POU2F2: variants seen among roughly 807,000 people sequenced by gnomAD.
The protein encoded by POU2F2 is POU class 2 homeobox 2, also known as POU domain, class 2, transcription factor 2.
A neutral mutation model predicts 63.5 loss-of-function variants in POU2F2; 14 were observed. The ratio of observed to expected loss-of-function variants is 0.22; its 90% CI spans 0.15 to 0.34. The LOEUF is 0.34. Among genes scored for constraint, POU2F2 ranks in the 10% least tolerant of loss-of-function variants. The pLI, the probability that POU2F2 is intolerant of heterozygous loss-of-function variation, is 1.00. For missense variants in POU2F2, 607 were observed against 815.2 expected (o/e 0.74, Z 3.11); for synonymous variants, 306 against 348.6 (o/e 0.88, Z 1.36).
Position 42,096,480 on chromosome 19 carries a change from A to ACT in POU2F2, c.568-239_568-238dup, listed in dbSNP as rs1392281008. Among the ~76,000 whole-genome samples, 1 of 151,956 alleles carries ACT rather than the reference A, an allele frequency of 6.6e-6. No individual in the cohort carries two copies. Among genetic ancestry groups the ACT allele is most frequent in the Admixed American group, 6.6e-5 (1 of 15,264 alleles). ...TACATGGGTTTCCTCATTGCCTGGGACTCTCTGCACTGTCCCTTCACGCCT... is the reference window on the plus strand; with the variant it reads ...TACATGGGTTTCCTCATTGCCTGGGACTCTCTCTGCACTGTCCCTTCACGCCT... On this transcript the variant is annotated intron_variant, in intron 7 of 14. Coordinates refer to ENST00000692977, the MANE Select transcript of POU2F2 (RefSeq NM_001394376.1). This position sits in a 1 kb window ranked among gnomAD's most constrained non-coding sequence, Gnocchi z 4.1.
chr19:42,116,918 C>T (rs1157606216), intron 5 of POU2F2: 2 of 536,690 alleles, frequency 3.7e-6, no homozygotes, highest in Non-Finnish European at 7.1e-6. Flanking sequence ...GCAGCGGCGG[C>T]ACTGGACTGC....
intron 2 of POU2F2, among the ~76,000 whole-genome samples, chr19:42,142,176 A>G (rs1005921625): frequency 4.6e-5 from 7 of 152,188 alleles, no homozygotes; most frequent in African/African-American, 1.4e-4. Flanking sequence ...CCTCTTTTGT[A>G]GTAACTTCAG....
rs1475100940 is a variant in POU2F2 at position 42,132,394 on chromosome 19, C to G, written c.18G>C (p.Met6Ile). MVHSSMGAPEIRMSKP... is the reference protein window; with the variant it reads MVHSSIGAPEIRMSKP... Reference sequence around the variant, plus strand: ...CACCAGCCCCCTTACCTGGAGCCCCCATGCTGGAGTGAACCATGCTGCCCG... The same window carrying G: ...CACCAGCCCCCTTACCTGGAGCCCCGATGCTGGAGTGAACCATGCTGCCCG... Residue 6 changes from methionine (M) to isoleucine (I), a missense_variant, in exon 1 of 15, where the codon ATG (methionine) becomes ATC (isoleucine). Coordinates refer to ENST00000692977, the MANE Select transcript of POU2F2 (RefSeq NM_001394376.1). 1 of 1,565,068 alleles carries G rather than the reference C, an allele frequency of 6.4e-7. No homozygotes were observed. The highest frequency in any genetic ancestry group is 1.4e-5 in the African/African-American group (1 of 70,818).
intron 1 of POU2F2, among the ~76,000 whole-genome samples, chr19:42,189,551 C>T (rs2035053104): frequency 6.6e-6 from 1 of 151,908 alleles, no homozygotes; most frequent in Admixed American, 6.7e-5. Context: ...TAATCTCCTT[C>T]TAATAAATAT....
At chr19:42,134,340 A>T (rs1274637901), upstream of POU2F2, among the ~76,000 whole-genome samples, 2 of 152,078 alleles carry the variant, frequency 1.3e-5, no homozygotes, top group South Asian at 4.2e-4. Context: ...GCAGAGAAGG[A>T]CCACCCACTT....
upstream of POU2F2, among the ~76,000 whole-genome samples, chr19:42,135,890 T>C (rs2034000796): frequency 6.6e-6 from 1 of 152,036 alleles, no homozygotes; most frequent in Non-Finnish European, 1.5e-5. Flanking sequence ...TTTGTGTTTT[T>C]AGGAGAGACA....
At chr19:42,182,438 T>TGAGCA (rs1326576129) in intron 1 of POU2F2, among the ~76,000 whole-genome samples, 1 of 151,118 alleles carries the variant, frequency 6.6e-6, no homozygotes, top group African/African-American at 2.4e-5. Context: ...AGGTGAATGG[T>TGAGCA]GAGCAGAGCA....
chr19:42,114,676 G>A (rs1488551972), intron 5 of POU2F2, among the ~76,000 whole-genome samples: 1 of 152,166 alleles, frequency 6.6e-6, no homozygotes, highest in Non-Finnish European at 1.5e-5. Context: ...CTTCCAGGCC[G>A]GCTCTAACAC....
rs1029596853 is a variant in POU2F2, at chr19:42,169,740, G to A, written c.-70+6223C>T. Among the ~76,000 whole-genome samples the A allele has an allele frequency of 4.6e-5, 7 of 152,078 alleles. No individual in the cohort carries two copies. The highest frequency in any genetic ancestry group is 2.1e-4 in the South Asian group (1 of 4,830). On this transcript the variant is annotated intron_variant, in intron 1 of 6. Coordinates refer to the POU2F2 transcript ENST00000524801. The surrounding 1 kb of genome is among the most constrained non-coding windows in gnomAD (Gnocchi z 4.3). ...TCTCTAGTTTGGCGAATGAGTGCGCGCACACGTGTGTGTGTGCGTGTGTGT... is the reference window on the plus strand; with the variant it reads ...TCTCTAGTTTGGCGAATGAGTGCGCACACACGTGTGTGTGTGCGTGTGTGT...
At chr19:42,167,159 A>C (rs1212624138) in intron 1 of POU2F2, among the ~76,000 whole-genome samples, 1 of 152,200 alleles carries the variant, frequency 6.6e-6, no homozygotes, top group Non-Finnish European at 1.5e-5. Context: ...AGTGGCTTAC[A>C]AGATGCTGCT....
intron 1 of POU2F2, among the ~76,000 whole-genome samples, chr19:42,130,432 G>A (rs941054206): frequency 5.9e-5 from 9 of 152,086 alleles, no homozygotes; most frequent in African/African-American, 1.9e-4. Context: ...TCTGCCCACA[G>A]CCACACAGTG....
At position 42,169,164 on chromosome 19, in the gene POU2F2, G is replaced by T. The variant is rs2034707812; in HGVS notation, c.-70+6799C>A. ...TGCTTTAGGGGGATGAGGCTAGCCT[G>T]GGGGGTGTTTGTGTGCTATAACTCA... On this transcript the variant is annotated intron_variant, in intron 1 of 6. Transcript: ENST00000524801. This position sits in a 1 kb window ranked among gnomAD's most constrained non-coding sequence, Gnocchi z 4.3. 6.6e-6 allele frequency among the ~76,000 whole-genome samples: 1 copy of T among 152,156 alleles called. No homozygotes were observed. The highest frequency in any genetic ancestry group is 6.5e-5 in the Admixed American group (1 of 15,286).
chr19:42,146,032 C>CAAAAAAAAA (rs1004458482), intron 2 of POU2F2, among the ~76,000 whole-genome samples: 39 of 49,564 alleles, frequency 7.9e-4, no homozygotes, highest in Non-Finnish European at 1.5e-3. Context: ...GACTCCGTCT[C>CAAAAAAAAA]AAAAAAAAAA....
Position 42,156,919 on chromosome 19 carries a change from TTCAGGACTCCCC to T in POU2F2, c.-9+3401_-9+3412del, listed in dbSNP as rs1468349061. The T allele has an allele frequency of 6.6e-6, 1 of 152,272 alleles. No individual in the cohort carries two copies. The highest frequency in any genetic ancestry group is 1.5e-5 in the Non-Finnish European group (1 of 68,076). 9.4% of individuals were successfully genotyped at this position (152,272 alleles called of 1,614,324 possible). A position where few individuals can be genotyped will look rare whatever the true frequency, so the allele number is the denominator to read the frequency against. On this transcript the variant is annotated intron_variant, in intron 2 of 6. Coordinates refer to the POU2F2 transcript ENST00000524801. The surrounding 1 kb of genome is among the most constrained non-coding windows in gnomAD (Gnocchi z 4.1). ...GAGCAAAGCTTCTGCTTCCGAGGCA[TTCAGGACTCCCC>T]TCAGGGTGTGTGAGCACCCTGGGGC...
chr19:42,146,059 A>C (rs915336135), intron 2 of POU2F2, among the ~76,000 whole-genome samples: 1 of 152,020 alleles, frequency 6.6e-6, no homozygotes, highest in Non-Finnish European at 1.5e-5. Context: ...AAAAGAAAAA[A>C]AAGAGTTCTG....
At chr19:42,098,108 GTT>G (rs2076992760) in intron 7 of POU2F2, among the ~76,000 whole-genome samples, 1 of 152,056 alleles carries the variant, frequency 6.6e-6, no homozygotes, top group Non-Finnish European at 1.5e-5. Context: ...GCCTGTTTCA[GTT>G]TTCAGAAAAC....
intron 1 of POU2F2, among the ~76,000 whole-genome samples, chr19:42,166,240 C>A (rs949780548): frequency 4.6e-5 from 7 of 152,188 alleles, no homozygotes; most frequent in African/African-American, 1.2e-4. Context: ...AAGCTCTGTG[C>A]AGATGGACTA....
At chr19:42,115,185 G>T (rs888847451) in intron 5 of POU2F2, among the ~76,000 whole-genome samples, 1 of 152,136 alleles carries the variant, frequency 6.6e-6, no homozygotes, top group Non-Finnish European at 1.5e-5. Context: ...AGCCATCACG[G>T]AGCCATGCGC....
upstream of POU2F2, among the ~76,000 whole-genome samples, chr19:42,135,928 C>G (rs903994906): frequency 6.6e-6 from 1 of 151,984 alleles, no homozygotes; most frequent in Non-Finnish European, 1.5e-5. Context: ...CCAAACTGGT[C>G]TCGAACTCCT....
Sources: gnomAD v4.1 joint callset for allele counts (sites outside exome capture counted in the v4.1 genomes callset) on GRCh38, gnomAD v4.1.1 for gene constraint, Gnocchi (gnomAD v3.1) non-coding constraint, MANE v1.5 for transcripts, NCBI Gene and HGNC (gene_info 2026-07-23, HGNC 2026-07-21) for gene names.